Variants in NSRP1 observed in about 807,000 individuals in gnomAD.
The protein encoded by NSRP1 is nuclear speckle splicing regulatory protein 1.
In NSRP1, 24 loss-of-function variants were observed where a neutral mutation model predicts 54.7. The observed-to-expected ratio is 0.44, with a 90% confidence interval of 0.32 to 0.62. NSRP1 has a LOEUF of 0.62. Among genes scored for constraint, NSRP1 ranks in the 20% least tolerant of loss-of-function variants. NSRP1 has a pLI of 0.06. For missense variants in NSRP1, 596 were observed against 651.2 expected, an observed-to-expected ratio of 0.92 and a Z score of 0.92; for synonymous variants, 210 against 213.8, an observed-to-expected ratio of 0.98 and a Z score of 0.15.
At chr17:30,184,322 A>G (rs1381691643) in intron 6 of NSRP1, among the ~76,000 whole-genome samples, 2 of 152,248 alleles carry the variant, frequency 1.3e-5, no homozygotes, top group Non-Finnish European at 2.9e-5. Context: ...AGGCTTACCA[A>G]AAAATGAAGA....
At chr17:30,145,551 C>A (rs1180613640) in intron 2 of NSRP1, among the ~76,000 whole-genome samples, 1 of 152,168 alleles carries the variant, frequency 6.6e-6, no homozygotes, top group Non-Finnish European at 1.5e-5. Flanking sequence ...CCACTGCACT[C>A]CATCCTGGCA....
Position 30,179,208 on chromosome 17 carries a change from A to G in NSRP1, c.419A>G (p.Lys140Arg), listed in dbSNP as rs756284687. The part of the protein sequence containing the change: ...REMEKGEFDD[K>R]EAFVTSAYKK... ...ATGGAAAAGGGGGAGTTTGATGATA[A>G]AGAAGCATTTGTGACATCTGCATAT... The change falls in exon 5 of 7, where the codon AAA becomes AGA. Residue 140 changes from lysine (K) to arginine (R), a missense_variant. Lys to Arg is a conservative substitution (Grantham distance 26). Transcript: ENST00000247026. 6.8e-6 allele frequency: 11 copies of G among 1,612,078 alleles called. No homozygotes were observed. In the East Asian group the frequency reaches 1.1e-4, roughly 16 times the overall value.
intron 2 of NSRP1, among the ~76,000 whole-genome samples, chr17:30,123,639 C>T (rs1274625040): frequency 6.6e-6 from 1 of 152,098 alleles, no homozygotes; most frequent in African/African-American, 2.4e-5. Flanking sequence ...TTGCCTAATC[C>T]GAGGTCACAA....
intron 2 of NSRP1, among the ~76,000 whole-genome samples, chr17:30,139,164 G>A (rs1299366123): frequency 1.3e-5 from 2 of 149,690 alleles, no homozygotes; most frequent in African/African-American, 5.1e-5. Context: ...TGATCCAACC[G>A]CCTCAGCCTC....
intron 2 of NSRP1, among the ~76,000 whole-genome samples, chr17:30,118,430 G>A (rs1024218595): frequency 5.9e-5 from 9 of 152,184 alleles, no homozygotes; most frequent in Non-Finnish European, 1.0e-4. Flanking sequence ...TAACAAAATT[G>A]TTGGTGTAAA....
intron 2 of NSRP1, among the ~76,000 whole-genome samples, chr17:30,142,574 C>A (rs1567794928): frequency 2.0e-5 from 3 of 151,986 alleles, no homozygotes; most frequent in Non-Finnish European, 4.4e-5. Flanking sequence ...TCAAACGATC[C>A]TCCCACCTCA....
Position 30,185,404 on chromosome 17 carries a change from A to C in NSRP1, c.1407A>C (p.Gln469His). Residue 469 changes from glutamine to histidine, a missense_variant, in exon 7 of 7, where the codon CAA becomes CAC. Coordinates refer to ENST00000247026, the MANE Select transcript of NSRP1 (RefSeq NM_032141.4). ...NSRAKDKFLDQERSNKMRNMA... is the reference protein window; with the variant it reads ...NSRAKDKFLDHERSNKMRNMA... The stretch of plus-strand genomic sequence containing the variant: ...GGGCAAAGGATAAATTTCTTGACCA[A>C]GAAAGATCCAACAAAATGAGAAACA... 6.2e-7 allele frequency: 1 copy of C among 1,611,168 alleles called. No homozygotes were observed. The highest frequency in any genetic ancestry group is 8.5e-7 in the Non-Finnish European group (1 of 1,179,392).
rs372316583 is a variant in NSRP1, at chr17:30,163,631, G to A, written c.115-8911G>A. 4.7e-5 allele frequency among the ~76,000 whole-genome samples: 7 copies of A among 149,686 alleles called. No individual in the cohort carries two copies. The South Asian group carries it at 1.3e-3, about 27-fold the overall frequency. On this transcript the variant is annotated intron_variant, in intron 2 of 6. Coordinates refer to ENST00000247026, the MANE Select transcript of NSRP1 (RefSeq NM_032141.4). The stretch of plus-strand genomic sequence containing the variant: ...GAGAAAAAAACTAAGAAATCTAGTT[G>A]CAATGTTTTTCTTAATTCTGCAGTT...
intron 2 of NSRP1, among the ~76,000 whole-genome samples, chr17:30,132,458 G>A (rs2071709524): frequency 6.6e-6 from 1 of 151,714 alleles, no homozygotes; most frequent in African/African-American, 2.4e-5. Context: ...GAAGACTGAG[G>A]CAGGAGAATC....
chr17:30,149,334 G>A (rs1431266314), intron 2 of NSRP1, among the ~76,000 whole-genome samples: 2 of 152,120 alleles, frequency 1.3e-5, no homozygotes, highest in African/African-American at 4.8e-5. Context: ...ACAGGTTTGA[G>A]CTACTGCACC....
intron 2 of NSRP1, chr17:30,122,296 T>C (rs567373766): frequency 7.1e-6 from 1 of 141,368 alleles, no homozygotes; most frequent in African/African-American, 2.6e-5. Context: ...CATTGGATAT[T>C]CTATTGGATA....
At chr17:30,152,518 AT>A (rs1190832146) in intron 2 of NSRP1, among the ~76,000 whole-genome samples, 1 of 137,866 alleles carries the variant, frequency 7.3e-6, no homozygotes, top group Non-Finnish European at 1.6e-5. Context: ...ATTTACTTGT[AT>A]TTTTTCTTCT....
chr17:30,157,425 A>G (rs373485949), intron 2 of NSRP1, among the ~76,000 whole-genome samples: 77 of 152,316 alleles, frequency 5.1e-4, no homozygotes, highest in African/African-American at 1.7e-3. Context: ...TCCATCACCT[A>G]GAATGTTTTA....
At chr17:30,159,963 A>G (rs1904452227) in intron 2 of NSRP1, among the ~76,000 whole-genome samples, 1 of 152,104 alleles carries the variant, frequency 6.6e-6, no homozygotes, top group South Asian at 2.1e-4. Flanking sequence ...TGCCCGGCCA[A>G]GGTATGTTTT....
At chr17:30,132,752 C>T (rs1218937727) in intron 2 of NSRP1, among the ~76,000 whole-genome samples, 1 of 152,174 alleles carries the variant, frequency 6.6e-6, no homozygotes, top group African/African-American at 2.4e-5. Context: ...TTGAAGCCCT[C>T]AAAGTCATTC....
chr17:30,178,607 T>C (rs532501689), intron 4 of NSRP1, among the ~76,000 whole-genome samples: 1 of 152,150 alleles, frequency 6.6e-6, no homozygotes, highest in East Asian at 1.9e-4. Flanking sequence ...GAAAAAAATT[T>C]GGGAGGGGTA....
chr17:30,185,538 A>G lies in NSRP1; in HGVS notation c.1541A>G (p.Glu514Gly), dbSNP rs1463345116. Reference protein sequence around the residue: ...EEGQEKGKEQERPPEAVSKFA... With the variant: ...EEGQEKGKEQGRPPEAVSKFA... ...GGGCAAGAGAAGGGTAAAGAACAAG[A>G]GAGACCACCTGAGGCAGTGAGCAAG... Residue 514 changes from glutamate (E) to glycine (G), a missense_variant, in exon 7 of 7, where the codon GAG becomes GGG. Physicochemically the swap from Glu to Gly is moderately conservative, Grantham distance 98. Coordinates refer to ENST00000247026, the MANE Select transcript of NSRP1 (RefSeq NM_032141.4). 1.2e-6 allele frequency: 2 copies of G among 1,614,102 alleles called. No individual in the cohort carries two copies. The highest frequency in any genetic ancestry group is 1.7e-6 in the Non-Finnish European group (2 of 1,180,044).
chr17:30,167,661 T>C (rs556412632), intron 2 of NSRP1, among the ~76,000 whole-genome samples: 2 of 152,250 alleles, frequency 1.3e-5, no homozygotes, highest in Admixed American at 6.5e-5. Flanking sequence ...TAGTTTTTTT[T>C]CTCACACATA....
intron 1 of NSRP1, 61 bp from the exon 2 acceptor site, chr17:30,118,019 A>G: frequency 8.0e-7 from 1 of 1,254,254 alleles, no homozygotes; most frequent in South Asian, 1.2e-5. Context: ...GAGGTAGTAG[A>G]TGTATTTGTT....
Sources: gnomAD v4.1 joint callset for allele counts (sites outside exome capture counted in the v4.1 genomes callset) on GRCh38, gnomAD v4.1.1 for gene constraint, MANE v1.5 for transcripts, NCBI Gene and HGNC (gene_info 2026-07-23, HGNC 2026-07-21) for gene names.